ITGAV: variants seen among roughly 807,000 people sequenced by gnomAD.
ITGAV encodes the protein integrin subunit alpha V.
A neutral mutation model predicts 143.8 loss-of-function variants in ITGAV; 76 were observed. That is an observed-to-expected ratio of 0.53 (90% CI 0.44 to 0.64). The LOEUF (loss-of-function observed/expected upper bound fraction) is 0.64. ITGAV is among the 30% of genes least tolerant of loss of function. The pLI is 0.00. For missense variants in ITGAV, 1,193 were observed against 1,274.7 expected (o/e 0.94, Z 0.98); for synonymous variants, 453 against 446.7 (o/e 1.01, Z -0.18).
chr2:186,621,462 A>G (rs1270758759), intron 2 of ITGAV, among the ~76,000 whole-genome samples: 1 of 152,168 alleles, frequency 6.6e-6, no homozygotes, highest in Non-Finnish European at 1.5e-5. Flanking sequence ...AAACATTATT[A>G]CTGTTACCTA....
intron 12 of ITGAV, among the ~76,000 whole-genome samples, chr2:186,645,626 C>G (rs557321056): frequency 6.6e-6 from 1 of 152,088 alleles, no homozygotes; most frequent in Admixed American, 6.6e-5. Context: ...ATGTTTGGCC[C>G]TTTTGAAGAG....
rs1323499663 is a variant in ITGAV, at chr2:186,640,830, C to G, written c.904-85C>G. 4 of 1,063,688 alleles carry G rather than the reference C, an allele frequency of 3.8e-6. No homozygotes were observed. The South Asian group carries it at 5.9e-5, about 16-fold the overall frequency. The allele number at this position is 1,063,688 out of a possible 1,614,324, so 65.9% of individuals were successfully genotyped here. On this transcript the variant is annotated intron_variant, in intron 10 of 29. Coordinates refer to ENST00000261023, the MANE Select transcript of ITGAV (RefSeq NM_002210.5). The stretch of plus-strand genomic sequence containing the variant: ...ACTATATGCAGAGAAAAAAAATAAC[C>G]CTATTTGGTACATATATTACAAATG...
chr2:186,661,928 A>G (rs969039475), intron 18 of ITGAV, among the ~76,000 whole-genome samples: 1 of 152,048 alleles, frequency 6.6e-6, no homozygotes, highest in Admixed American at 6.6e-5. Context: ...TTTGTGCAAG[A>G]TGTAATATAT....
chr2:186,641,334 A>G (rs1311234698), intron 11 of ITGAV, 52 bp from the exon 12 acceptor site: 13 of 1,426,224 alleles, frequency 9.1e-6, no homozygotes, highest in Non-Finnish European at 1.3e-5. Flanking sequence ...GAAAATGCCT[A>G]CTAAGACATG....
chr2:186,672,623 A>G (rs1271428584), intron 26 of ITGAV, among the ~76,000 whole-genome samples: 3 of 152,200 alleles, frequency 2.0e-5, no homozygotes, highest in Admixed American at 6.5e-5. Context: ...TTTTATAATC[A>G]TCCTGGTTGG....
intron 4 of ITGAV, among the ~76,000 whole-genome samples, chr2:186,630,388 T>C (rs577258770): frequency 2.0e-5 from 3 of 151,694 alleles, no homozygotes; most frequent in South Asian, 4.2e-4. Flanking sequence ...TGAAATAAAA[T>C]AGAAAATGTC....
chr2:186,664,722 A>G, intron 20 of ITGAV, 81 bp downstream of exon 20: 1 of 1,546,066 alleles, frequency 6.5e-7, no homozygotes, highest in East Asian at 2.2e-5. Context: ...TATTTAGTGA[A>G]GCACAAGCTT....
At chr2:186,613,253 T>G (rs148602603) in intron 2 of ITGAV, among the ~76,000 whole-genome samples, 1 of 152,128 alleles carries the variant, frequency 6.6e-6, no homozygotes, top group African/African-American at 2.4e-5. Context: ...AAACCAGCAT[T>G]GATAAAGCAG....
intron 17 of ITGAV, among the ~76,000 whole-genome samples, chr2:186,658,693 G>T (rs983997693): frequency 5.9e-5 from 9 of 152,182 alleles, no homozygotes; most frequent in African/African-American, 2.2e-4. Flanking sequence ...GAGAAGGAAT[G>T]CAGAGGGAGG....
At chr2:186,626,769 G>T (rs1687688226) in intron 4 of ITGAV, among the ~76,000 whole-genome samples, 1 of 152,122 alleles carries the variant, frequency 6.6e-6, no homozygotes, top group Non-Finnish European at 1.5e-5. Flanking sequence ...GAAAAAATCA[G>T]GTTAGAAAGC....
At chr2:186,595,979 T>C (rs1404976671) in intron 1 of ITGAV, among the ~76,000 whole-genome samples, 1 of 152,204 alleles carries the variant, frequency 6.6e-6, no homozygotes, top group Non-Finnish European at 1.5e-5. Context: ...TTGAAAACAC[T>C]GAGGAAAGAA....
At chr2:186,606,141 G>A (rs781179504) in intron 2 of ITGAV, among the ~76,000 whole-genome samples, 2 of 152,026 alleles carry the variant, frequency 1.3e-5, no homozygotes, top group African/African-American at 4.8e-5. Context: ...ATAGCTTATC[G>A]CATCCTGCTA....
In ITGAV at chr2:186,630,379, G is replaced by C. The variant is rs182840401; in HGVS notation, c.524-418G>C. Among the ~76,000 whole-genome samples, 76 of 151,356 alleles carry C rather than the reference G, an allele frequency of 5.0e-4. 1 individual carries two copies. Among genetic ancestry groups the C allele is most frequent in the Non-Finnish European group, 8.9e-5 (6 of 67,738 alleles). ...AGTTTTTCTAAAAAAAAAAAAGAAT[G>C]AAATAAAATAGAAAATGTCAGAGAG... On this transcript the variant is annotated intron_variant, in intron 4 of 29. Transcript: ENST00000261023.
At chr2:186,639,896 C>T (rs1444160540) in intron 10 of ITGAV, among the ~76,000 whole-genome samples, 9 of 152,124 alleles carry the variant, frequency 5.9e-5, no homozygotes, top group Admixed American at 5.9e-4. Flanking sequence ...GTTACATAGT[C>T]GGCACATCAA....
intron 5 of ITGAV, among the ~76,000 whole-genome samples, chr2:186,631,069 C>T (rs1267655716): frequency 6.6e-6 from 1 of 152,100 alleles, no homozygotes; most frequent in Admixed American, 6.6e-5. Flanking sequence ...GGAGACATCC[C>T]CCATCACTCT....
At chr2:186,621,654 A>G (rs953719763) in intron 2 of ITGAV, among the ~76,000 whole-genome samples, 5 of 152,154 alleles carry the variant, frequency 3.3e-5, no homozygotes, top group Non-Finnish European at 5.9e-5. Context: ...GATATTGACA[A>G]TTTTGAGGAC....
rs763773972 is a variant in ITGAV at position 186,590,517 on chromosome 2, C to T, written c.179C>T (p.Ala60Val). Residue 60 changes from alanine (A) to valine (V), a missense_variant, in exon 1 of 30, where the codon GCG becomes GTG. Coordinates refer to ENST00000261023, the MANE Select transcript of ITGAV (RefSeq NM_002210.5). ...GCCGTGGATTTCTTCGTGCCCAGCG[C>T]GTCTTCGTAAGTGGCCGCACTTGGA... Reference protein sequence around the residue: ...GFAVDFFVPSASSRMFLLVGA... With the variant: ...GFAVDFFVPSVSSRMFLLVGA... 15 of 1,610,478 alleles carry T rather than the reference C, an allele frequency of 9.3e-6. No homozygotes were observed. In the South Asian group the frequency reaches 1.2e-4, roughly 13 times the overall value.
At chr2:186,632,140 A>C (rs1687829958) in intron 5 of ITGAV, among the ~76,000 whole-genome samples, 2 of 152,116 alleles carry the variant, frequency 1.3e-5, no homozygotes, top group African/African-American at 4.8e-5. Context: ...TGTTTTTAAT[A>C]CTCTAAATTT....
At chr2:186,597,688 A>T (rs916270965) in intron 1 of ITGAV, among the ~76,000 whole-genome samples, 1 of 152,230 alleles carries the variant, frequency 6.6e-6, no homozygotes, top group Non-Finnish European at 1.5e-5. Context: ...CATGCTGCAC[A>T]TCAGGAAGTG....
Sources: allele counts gnomAD v4.1 joint callset (sites outside exome capture counted in the v4.1 genomes callset), GRCh38; gene constraint gnomAD v4.1.1; transcripts MANE v1.5; gene names NCBI Gene and HGNC (gene_info 2026-07-23, HGNC 2026-07-21).